The following GALNTL5 variants were observed in gnomAD, a reference collection of about 807,000 sequenced individuals.
GALNTL5 encodes polypeptide N-acetylgalactosaminyltransferase like 5, also known as inactive polypeptide N-acetylgalactosaminyltransferase-like protein 5.
GALNTL5 carries 44 observed loss-of-function variants against 51.0 expected under a neutral mutation model. The observed-to-expected ratio is 0.86, with a 90% CI of 0.68 to 1.11. The LOEUF (loss-of-function observed/expected upper bound fraction) is 1.11. Ranked by LOEUF, GALNTL5 falls within the 50% of genes least tolerant of loss-of-function variation. GALNTL5 has a pLI of 0.00. For synonymous variants in GALNTL5, 192 were observed against 182.8 expected, an observed-to-expected ratio of 1.05 and a Z score of -0.41; for missense variants, 528 against 531.8, an observed-to-expected ratio of 0.99 and a Z score of 0.07.
In GALNTL5 at chr7:152,007,840, T is replaced by G; in HGVS notation, c.922T>G (p.Ser308Ala). 6.2e-7 allele frequency: 1 copy of G among 1,601,406 alleles called. No individual in the cohort carries two copies. The highest frequency in any genetic ancestry group is 1.7e-5 in the Admixed American group (1 of 59,970). The part of the protein sequence containing the change: ...STKPIRSPAM[S>A]GGIFAIRRHY... Reference sequence around the variant, plus strand: ...TCCCCTTTCTAGGTCACCTGCAATGTCTGGAGGAATTTTTGCTATACGTCG... The same window carrying G: ...TCCCCTTTCTAGGTCACCTGCAATGGCTGGAGGAATTTTTGCTATACGTCG... The change falls in exon 7 of 9, where the codon TCT (serine) becomes GCT (alanine). Residue 308 changes from serine to alanine, a missense_variant. Coordinates refer to ENST00000392800, the MANE Select transcript of GALNTL5 (RefSeq NM_145292.4).
intron 8 of GALNTL5, 80 bp downstream of exon 8, chr7:152,014,873 T>A: frequency 7.5e-7 from 1 of 1,341,320 alleles, no homozygotes; most frequent in Non-Finnish European, 1.0e-6. Context: ...CTGCTGCCTT[T>A]CCAGATCCAG....
chr7:151,956,778 C>A (rs142194840), intron 1 of GALNTL5, among the ~76,000 whole-genome samples, 169 bp downstream of exon 1: 2 of 152,104 alleles, frequency 1.3e-5, no homozygotes, highest in East Asian at 3.9e-4. Context: ...GAAGGAGTAG[C>A]CTCCTAGCTG....
At chr7:151,972,505 C>T (rs200134628) in intron 3 of GALNTL5, among the ~76,000 whole-genome samples, 1 of 151,644 alleles carries the variant, frequency 6.6e-6, no homozygotes, top group African/African-American at 2.4e-5. Context: ...ATTTCAGAGA[C>T]CATGGCAACT....
chr7:152,017,708 C>T (rs1005947264), intron 8 of GALNTL5, among the ~76,000 whole-genome samples: 2 of 152,162 alleles, frequency 1.3e-5, no homozygotes, highest in Non-Finnish European at 2.9e-5. Context: ...AACATATAAA[C>T]ATATCTCATT....
intron 4 of GALNTL5, among the ~76,000 whole-genome samples, chr7:151,986,924 A>G (rs200923623): frequency 0.14 from 21,354 of 151,522 alleles, 2,462 homozygotes; most frequent in African/African-American, 0.3. Flanking sequence ...GGGGGTTTTC[A>G]CCATGTTGGC....
intron 3 of GALNTL5, among the ~76,000 whole-genome samples, chr7:151,978,524 A>G (rs2081234154): frequency 6.6e-6 from 1 of 152,230 alleles, no homozygotes; most frequent in Non-Finnish European, 1.5e-5. Context: ...TGCAGTCAGC[A>G]AGAACCCCAG....
Sources: gnomAD v4.1 joint callset for allele counts (sites outside exome capture counted in the v4.1 genomes callset) on GRCh38, gnomAD v4.1.1 for gene constraint, MANE v1.5 for transcripts, NCBI Gene and HGNC (gene_info 2026-07-23, HGNC 2026-07-21) for gene names.